Variants in TTYH3 observed in about 807,000 individuals in gnomAD.
TTYH3 encodes protein tweety homolog 3.
Under a neutral mutation model 68.2 loss-of-function variants are expected in TTYH3, and 23 were observed. That is an observed-to-expected ratio of 0.34 (90% CI 0.24 to 0.48). The LOEUF is 0.48. Ranked by LOEUF, TTYH3 falls within the 20% of genes least tolerant of loss-of-function variation. The pLI, the probability that TTYH3 is intolerant of heterozygous loss-of-function variation, is 0.99. For synonymous variants in TTYH3, 360 were observed against 332.8 expected (o/e 1.08, Z -0.89); for missense variants, 768 against 727.7 (o/e 1.06, Z -0.64).
rs766367959 is a variant in TTYH3, at chr7:2,661,725, A to C, written c.1558A>C (p.Ser520Arg). Residue 520 changes from serine to arginine, a missense_variant, in exon 14 of 14, where the codon AGC becomes CGC. Physicochemically the swap from Ser to Arg is moderately radical, Grantham distance 110 (BLOSUM62 -1). Coordinates refer to ENST00000258796, the MANE Select transcript of TTYH3 (RefSeq NM_025250.3). ...CACGAGCCAGCCTCGCCCTGACTCCAGCGGCAGCCACTAGACCGCGCCCGG... is the reference window on the plus strand; with the variant it reads ...CACGAGCCAGCCTCGCCCTGACTCCCGCGGCAGCCACTAGACCGCGCCCGG... ...LATSQPRPDSSGSH is the reference protein window; with the variant it reads ...LATSQPRPDSRGSH 1.3e-5 allele frequency: 21 copies of C among 1,610,224 alleles called. No individual in the cohort carries two copies. The highest frequency in any genetic ancestry group is 1.7e-5 in the Non-Finnish European group (20 of 1,179,160).
chr7:2,633,677 T>C (rs1785585344), intron 1 of TTYH3, among the ~76,000 whole-genome samples: 1 of 152,258 alleles, frequency 6.6e-6, no homozygotes, highest in African/African-American at 2.4e-5. Context: ...GAGGACTCTG[T>C]TGAAGCTGCA....
chr7:2,649,348 C>T (rs1013432063), intron 5 of TTYH3, among the ~76,000 whole-genome samples: 3 of 152,126 alleles, frequency 2.0e-5, no homozygotes, highest in Non-Finnish European at 4.4e-5. Flanking sequence ...GTCCTGCTTC[C>T]AGCTCAGATC....
chr7:2,640,768 T>C (rs1785818835), intron 1 of TTYH3, among the ~76,000 whole-genome samples: 1 of 135,256 alleles, frequency 7.4e-6, no homozygotes, highest in Admixed American at 7.3e-5. Context: ...CAGCTGCTCG[T>C]GCACGTCGTC....
intron 6 of TTYH3, 68 bp downstream of exon 6, chr7:2,649,707 C>T: frequency 6.5e-7 from 1 of 1,532,354 alleles, no homozygotes. Flanking sequence ...CGAGGGGAAG[C>T]CACACTCCTC....
At chr7:2,646,810 CT>C (rs781681888) in intron 1 of TTYH3, 42 bp from the exon 2 acceptor site, 3 of 1,563,990 alleles carry the variant, frequency 1.9e-6, no homozygotes, top group Non-Finnish European at 2.6e-6. Flanking sequence ...GGACTCTGAG[CT>C]GGGGGTCCAC....
chr7:2,642,537 CAAAA>C (rs34165282), intron 1 of TTYH3, among the ~76,000 whole-genome samples: 4 of 57,538 alleles, frequency 7.0e-5, no homozygotes, highest in East Asian at 5.9e-4. Flanking sequence ...GACTCTGTCT[CAAAA>C]AAAAAAAAAA....
At position 2,663,392 on chromosome 7, in the gene TTYH3, T is replaced by C. The variant is rs1310664315; in HGVS notation, c.*1653T>C. On this transcript the variant is annotated 3_prime_UTR_variant, in exon 14 of 14. Transcript: ENST00000258796. ...TTCCTCTGTGAACCCCTCCTTTCTT[T>C]GTGCTGGTGTCTGGGACCAAAAAGG... The C allele has an allele frequency of 6.5e-6, 1 of 152,678 alleles. No individual in the cohort carries two copies. Among genetic ancestry groups the C allele is most frequent in the East Asian group, 1.9e-4 (1 of 5,310 alleles). 9.5% of individuals were successfully genotyped at this position (152,678 alleles called of 1,614,324 possible). A position where few individuals can be genotyped will look rare whatever the true frequency, so the allele number is the denominator to read the frequency against.
chr7:2,661,151 C>T (rs889056658), intron 13 of TTYH3, among the ~76,000 whole-genome samples: 1 of 152,206 alleles, frequency 6.6e-6, no homozygotes, highest in African/African-American at 2.4e-5. Context: ...GGCAGAGTAG[C>T]CCGGGGGATG....
intron 5 of TTYH3, 48 bp from the exon 6 acceptor site, chr7:2,649,519 G>A (rs1308910991): frequency 5.9e-6 from 9 of 1,526,312 alleles, no homozygotes; most frequent in South Asian, 3.6e-5. Flanking sequence ...CAGGTGGCAC[G>A]GCCCCCACCC....
At chr7:2,656,759 G>C (rs115693834) in intron 11 of TTYH3, among the ~76,000 whole-genome samples, 1 of 152,180 alleles carries the variant, frequency 6.6e-6, no homozygotes, top group Admixed American at 6.5e-5. Context: ...AGGAGCTCCC[G>C]GCCTGGGTTG....
intron 8 of TTYH3, 191 bp from the exon 9 acceptor site, chr7:2,652,727 A>T: frequency 1.7e-6 from 1 of 592,574 alleles, no homozygotes; most frequent in Non-Finnish European, 3.0e-6. Flanking sequence ...TTACCACCTC[A>T]GGGCTCTGTG....
At chr7:2,647,384 C>T (rs1786025857) in intron 3 of TTYH3, 34 bp from the exon 4 acceptor site, 2 of 1,460,070 alleles carry the variant, frequency 1.4e-6, no homozygotes, top group Admixed American at 5.0e-5. Flanking sequence ...GAGGCGGGCG[C>T]GCTCCCAGCC....
intron 9 of TTYH3, among the ~76,000 whole-genome samples, chr7:2,655,024 A>T (rs1347288980): frequency 6.6e-6 from 1 of 152,122 alleles, no homozygotes; most frequent in Non-Finnish European, 1.5e-5. Flanking sequence ...ACCTCTTTAA[A>T]GGCTGTGTCT....
intron 1 of TTYH3, among the ~76,000 whole-genome samples, chr7:2,637,008 G>A (rs747470030): frequency 2.6e-5 from 4 of 152,086 alleles, no homozygotes; most frequent in Non-Finnish European, 4.4e-5. Context: ...TTGTAGGTGT[G>A]GATGTTGGGG....
chr7:2,644,395 G>C (rs896217417), intron 1 of TTYH3, among the ~76,000 whole-genome samples: 2 of 152,192 alleles, frequency 1.3e-5, no homozygotes, highest in Non-Finnish European at 1.5e-5. Context: ...CATGGGTACC[G>C]TGCTGGGACT....
Position 2,659,596 on chromosome 7 carries a change from C to T in TTYH3, c.1500+581C>T, listed in dbSNP as rs987121839. On this transcript the variant is annotated intron_variant, in intron 13 of 13. Transcript: ENST00000258796. ...CGCGTAAGACACAGGCAGGAGGGGACAGGGTGCCGAAGAGAAGGAGTTGGT... is the reference window on the plus strand; with the variant it reads ...CGCGTAAGACACAGGCAGGAGGGGATAGGGTGCCGAAGAGAAGGAGTTGGT... Among the ~76,000 whole-genome samples the T allele has an allele frequency of 2.6e-5, 4 of 152,324 alleles. No homozygotes were observed. The East Asian group carries it at 7.7e-4, about 29-fold the overall frequency.
intron 8 of TTYH3, 132 bp downstream of exon 8, chr7:2,652,374 C>A: frequency 1.2e-6 from 1 of 806,532 alleles, no homozygotes; most frequent in Non-Finnish European, 2.1e-6. Context: ...GGGAGCTGGA[C>A]AAAGGCTGTG....
rs1317826723 is a variant in TTYH3 at position 2,648,953 on chromosome 7, TG to T, written c.723-613del. On this transcript the variant is annotated intron_variant, in intron 5 of 13. Transcript: ENST00000258796. ...GTGGGGTGTGGGGCCCGCAGTGGGG[TG>T]TGGGGCCCGCAGTGGGGTGTGGGGC... Among the ~76,000 whole-genome samples the T allele has an allele frequency of 6.5e-5, 9 of 137,654 alleles. 1 individual carries two copies. The highest frequency in any genetic ancestry group is 1.1e-4 in the African/African-American group (4 of 36,244). 90.3% of individuals were successfully genotyped at this position (137,654 alleles called of 152,430 possible). A position where few individuals can be genotyped will look rare whatever the true frequency, so the allele number is the denominator to read the frequency against.
chr7:2,639,237 C>T (rs1252728136), intron 1 of TTYH3, among the ~76,000 whole-genome samples: 1 of 152,226 alleles, frequency 6.6e-6, no homozygotes, highest in Non-Finnish European at 1.5e-5. Context: ...TCCCGGAGCC[C>T]CGTGCTGCTG....
Sources: allele counts gnomAD v4.1 joint callset (sites outside exome capture counted in the v4.1 genomes callset), GRCh38; gene constraint gnomAD v4.1.1; transcripts MANE v1.5; gene names NCBI Gene and HGNC (gene_info 2026-07-23, HGNC 2026-07-21).